The following SCAMP1 variants were observed in gnomAD, a reference collection of about 807,000 sequenced individuals.
SCAMP1 encodes the protein secretory carrier-associated membrane protein 1.
In SCAMP1, 15 loss-of-function variants were observed where a neutral mutation model predicts 41.8. The ratio of observed to expected loss-of-function variants is 0.36; its 90% CI spans 0.24 to 0.55. The LOEUF is 0.55. SCAMP1 is among the 20% of genes least tolerant of loss of function. The probability of loss-of-function intolerance (pLI) is 0.86; values close to 1 mark genes in which losing one functional copy is unlikely to be tolerated. For synonymous variants in SCAMP1, 135 were observed against 136.8 expected, an observed-to-expected ratio of 0.99 and a Z score of 0.09; for missense variants, 341 against 412.6, an observed-to-expected ratio of 0.83 and a Z score of 1.50.
intron 2 of SCAMP1, among the ~76,000 whole-genome samples, chr5:78,389,839 GTC>G (rs766309726): frequency 8.5e-5 from 13 of 152,238 alleles, no homozygotes; most frequent in Non-Finnish European, 1.3e-4. Flanking sequence ...CTGTATTTGG[GTC>G]TGCCTCCAAT....
chr5:78,412,643 T>A (rs1752109140), intron 2 of SCAMP1, among the ~76,000 whole-genome samples: 1 of 152,190 alleles, frequency 6.6e-6, no homozygotes, highest in Admixed American at 6.5e-5. Flanking sequence ...TATATGATTG[T>A]TTTTGCACTT....
At chr5:78,399,978 C>A (rs1000861714) in intron 2 of SCAMP1, among the ~76,000 whole-genome samples, 2 of 152,086 alleles carry the variant, frequency 1.3e-5, no homozygotes, top group African/African-American at 4.8e-5. Context: ...ATTTTAGTGA[C>A]AGGGTTTTGC....
intron 6 of SCAMP1, among the ~76,000 whole-genome samples, chr5:78,431,571 A>G (rs1188591356): frequency 9.2e-6 from 1 of 109,242 alleles, no homozygotes; most frequent in African/African-American, 4.0e-5. Flanking sequence ...AGTATCTGTT[A>G]ATGACTGTCT....
chr5:78,425,398 A>G (rs992442055), intron 6 of SCAMP1, among the ~76,000 whole-genome samples: 4 of 152,166 alleles, frequency 2.6e-5, no homozygotes, highest in Non-Finnish European at 5.9e-5. Context: ...ATAGGTAACC[A>G]TTAGGTTGAA....
chr5:78,392,836 GAGA>G (rs1751555224), intron 2 of SCAMP1, among the ~76,000 whole-genome samples: 1 of 152,168 alleles, frequency 6.6e-6, no homozygotes, highest in Non-Finnish European at 1.5e-5. Context: ...ATTTTCCAAA[GAGA>G]TTAGGTGTAG....
Position 78,479,061 on chromosome 5 carries a change from A to C in SCAMP1, c.*3393A>C, listed in dbSNP as rs893759925. On this transcript the variant is annotated 3_prime_UTR_variant, in exon 9 of 9. Coordinates refer to ENST00000621999, the MANE Select transcript of SCAMP1 (RefSeq NM_004866.6). Reference sequence around the variant, plus strand: ...AAACACTGTTGTTAACATCTAATTCAGTATCCTTATTGGTACAAATCTGTG... The same window carrying C: ...AAACACTGTTGTTAACATCTAATTCCGTATCCTTATTGGTACAAATCTGTG... The C allele has an allele frequency of 1.3e-5, 2 of 152,168 alleles. No individual in the cohort carries two copies. Among genetic ancestry groups the C allele is most frequent in the Non-Finnish European group, 2.9e-5 (2 of 67,988 alleles). The allele number at this position is 152,168 out of a possible 1,614,324, so 9.4% of individuals were successfully genotyped here.
At chr5:78,424,635 G>A (rs539126864) in intron 6 of SCAMP1, among the ~76,000 whole-genome samples, 9 of 152,016 alleles carry the variant, frequency 5.9e-5, no homozygotes, top group African/African-American at 1.7e-4. Flanking sequence ...CAGGAGAATC[G>A]CCTGAACCCG....
intron 1 of SCAMP1, among the ~76,000 whole-genome samples, chr5:78,378,920 C>T (rs745555958): frequency 3.3e-5 from 5 of 152,170 alleles, no homozygotes; most frequent in Non-Finnish European, 5.9e-5. Context: ...AAACAAGGTA[C>T]GTTCAGAGTG....
chr5:78,405,414 T>TA (rs1403203022), intron 2 of SCAMP1, among the ~76,000 whole-genome samples: 1 of 152,196 alleles, frequency 6.6e-6, no homozygotes, highest in African/African-American at 2.4e-5. Context: ...CACCTCTGCT[T>TA]AAAATGGTCT....
At position 78,476,733 on chromosome 5, in the gene SCAMP1, T is replaced by TA. The variant is rs1045952327; in HGVS notation, c.*1066dup. The TA allele has an allele frequency of 3.3e-5, 5 of 152,524 alleles. No homozygotes were observed. The highest frequency in any genetic ancestry group is 7.4e-5 in the Non-Finnish European group (5 of 67,974). The allele number at this position is 152,524 out of a possible 1,614,324, so 9.4% of individuals were successfully genotyped here. On this transcript the variant is annotated 3_prime_UTR_variant, in exon 9 of 9. Transcript: ENST00000621999. ...AAAAAGACCCTGGCATTTTTTCACA[T>TA]ACTTGAATCCCTAAATGCACCTGTC...
intron 6 of SCAMP1, among the ~76,000 whole-genome samples, chr5:78,440,164 G>A (rs565419631): frequency 4.6e-5 from 7 of 152,208 alleles, no homozygotes; most frequent in African/African-American, 9.6e-5. Flanking sequence ...CCTTTAGCTC[G>A]GAGAAGTTTG....
intron 6 of SCAMP1, among the ~76,000 whole-genome samples, chr5:78,449,199 TAAC>T (rs953454394): frequency 2.4e-4 from 36 of 151,980 alleles, no homozygotes; most frequent in African/African-American, 7.2e-4. Flanking sequence ...TTATGAATAA[TAAC>T]AATAATAACT....
chr5:78,433,590 G>T (rs957912147), intron 6 of SCAMP1, among the ~76,000 whole-genome samples: 1 of 152,148 alleles, frequency 6.6e-6, no homozygotes, highest in South Asian at 2.1e-4. Context: ...TTACTTTGGT[G>T]TTACCTTATG....
intron 6 of SCAMP1, among the ~76,000 whole-genome samples, chr5:78,422,535 G>A (rs1014626321): frequency 3.3e-5 from 5 of 151,892 alleles, no homozygotes; most frequent in Admixed American, 6.6e-5. Flanking sequence ...TTTCCTTAGC[G>A]CATGTTCTGT....
At chr5:78,454,115 A>G (rs1050160826) in intron 7 of SCAMP1, among the ~76,000 whole-genome samples, 2 of 152,234 alleles carry the variant, frequency 1.3e-5, no homozygotes, top group African/African-American at 2.4e-5. Flanking sequence ...ATATACAATC[A>G]TGTCGTCTGC....
intron 1 of SCAMP1, among the ~76,000 whole-genome samples, chr5:78,366,149 C>CT (rs1230753119): frequency 4.8e-5 from 7 of 146,314 alleles, no homozygotes; most frequent in African/African-American, 1.3e-4. Flanking sequence ...CTTTTCTTTT[C>CT]TTTTTTTTTT....
chr5:78,467,480 A>G (rs1428065749), intron 8 of SCAMP1, among the ~76,000 whole-genome samples: 1 of 152,216 alleles, frequency 6.6e-6, no homozygotes, highest in Non-Finnish European at 1.5e-5. Flanking sequence ...CACAAAGGAA[A>G]AGTTATAGAA....
At chr5:78,380,468 T>C (rs1751176893) in intron 1 of SCAMP1, among the ~76,000 whole-genome samples, 2 of 152,254 alleles carry the variant, frequency 1.3e-5, no homozygotes, top group African/African-American at 2.4e-5. Flanking sequence ...TGTCAGACTT[T>C]TAGATTTTTT....
intron 1 of SCAMP1, 46 bp downstream of exon 1, chr5:78,360,774 T>G (rs1281437058): frequency 1.9e-6 from 3 of 1,563,224 alleles, no homozygotes; most frequent in Non-Finnish European, 2.6e-6. Flanking sequence ...CGCGTCGTTG[T>G]TTGTGAAAAC....
Sources: gnomAD v4.1 joint callset for allele counts (sites outside exome capture counted in the v4.1 genomes callset) on GRCh38, gnomAD v4.1.1 for gene constraint, MANE v1.5 for transcripts, NCBI Gene and HGNC (gene_info 2026-07-23, HGNC 2026-07-21) for gene names.